TNKS: variants seen among roughly 807,000 people sequenced by gnomAD.
TNKS encodes tankyrase, also known as poly [ADP-ribose] polymerase tankyrase-1.
TNKS carries 72 observed loss-of-function variants against 135.8 expected under a neutral mutation model. That is an observed-to-expected ratio of 0.53 (90% CI 0.44 to 0.64). The LOEUF is 0.64. Ranked by LOEUF, TNKS falls within the 30% of genes least tolerant of loss-of-function variation. The pLI, the probability that TNKS is intolerant of heterozygous loss-of-function variation, is 0.00. For missense variants in TNKS, 1,769 were observed against 1,674.0 expected (o/e 1.06, Z -0.99); for synonymous variants, 849 against 649.3 (o/e 1.31, Z -4.68).
chr8:9,657,260 C>A (rs1427316395), intron 3 of TNKS, among the ~76,000 whole-genome samples: 4 of 115,446 alleles, frequency 3.5e-5, no homozygotes, highest in African/African-American at 9.4e-5. Flanking sequence ...CCGACCCCCC[C>A]ACCTCCCTCC....
rs561234484 is a variant in TNKS at position 9,584,878 on chromosome 8, A to G, written c.898+4495A>G. On this transcript the variant is annotated intron_variant, in intron 2 of 26. Coordinates refer to ENST00000310430, the MANE Select transcript of TNKS (RefSeq NM_003747.3). ...GCTGGCGTCCACAGCAAATCATTCT[A>G]AAGATAACAGAGGTGTATGGTGTTC... Among the ~76,000 whole-genome samples the G allele has an allele frequency of 1.7e-4, 26 of 152,282 alleles. No individual in the cohort carries two copies. The East Asian group carries it at 4.8e-3, about 28-fold the overall frequency.
chr8:9,770,596 G>A (rs1023298626), intron 26 of TNKS, among the ~76,000 whole-genome samples: 33 of 152,208 alleles, frequency 2.2e-4, no homozygotes, highest in Non-Finnish European at 4.4e-5. Flanking sequence ...GCTGCTGTTA[G>A]TGGGTCTTCA....
At chr8:9,562,763 A>C (rs1797386149) in intron 1 of TNKS, among the ~76,000 whole-genome samples, 1 of 151,920 alleles carries the variant, frequency 6.6e-6, no homozygotes, top group Non-Finnish European at 1.5e-5. Context: ...GGACCTGCTA[A>C]GAGCTGTTAA....
rs181356705 is a variant in TNKS, at chr8:9,655,043, C to T, written c.995-24908C>T. 2.9e-3 allele frequency among the ~76,000 whole-genome samples: 444 copies of T among 152,318 alleles called. 1 individual carries two copies. The highest frequency in any genetic ancestry group is 0.01 in the African/African-American group (435 of 41,576). On this transcript the variant is annotated intron_variant, in intron 3 of 26. Coordinates refer to ENST00000310430, the MANE Select transcript of TNKS (RefSeq NM_003747.3). ...GGCACCTGGAAAATCGGGTCACTCC[C>T]ACCCTAAAACTGCACTTTTCCAACG...
intron 11 of TNKS, among the ~76,000 whole-genome samples, chr8:9,717,157 CA>C (rs1267405421): frequency 7.1e-6 from 1 of 140,652 alleles, no homozygotes; most frequent in East Asian, 2.1e-4. Context: ...TTACAGATAG[CA>C]CACTCAAGTT....
At chr8:9,569,786 CT>C (rs1195120822) in intron 1 of TNKS, among the ~76,000 whole-genome samples, 2 of 152,114 alleles carry the variant, frequency 1.3e-5, no homozygotes, top group African/African-American at 4.8e-5. Flanking sequence ...TCTTCGTATT[CT>C]TTTTTTCTTT....
chr8:9,686,012 T>C (rs1478835756), intron 5 of TNKS, among the ~76,000 whole-genome samples: 1 of 152,188 alleles, frequency 6.6e-6, no homozygotes, highest in Non-Finnish European at 1.5e-5. Flanking sequence ...GGTAGGTTGT[T>C]ATTTGGAGAT....
At chr8:9,650,821 T>A (rs188476993) in intron 3 of TNKS, among the ~76,000 whole-genome samples, 35 of 152,348 alleles carry the variant, frequency 2.3e-4, no homozygotes, top group Non-Finnish European at 4.4e-4. Flanking sequence ...TTTAGTTTAA[T>A]TAGGTCTCAT....
chr8:9,698,379 A>AAAC (rs796552076), intron 5 of TNKS, among the ~76,000 whole-genome samples: 2 of 151,014 alleles, frequency 1.3e-5, no homozygotes, highest in African/African-American at 4.9e-5. Flanking sequence ...AAAATGAAAA[A>AAAC]AAAAAAAAAA....
chr8:9,563,483 A>G (rs542271302), intron 1 of TNKS, among the ~76,000 whole-genome samples: 506 of 152,178 alleles, frequency 3.3e-3, no homozygotes, highest in Middle Eastern at 6.8e-3. Context: ...AATGAGTGTG[A>G]TTGTGTTCCA....
At chr8:9,557,032 C>CTTT in intron 1 of TNKS, 1 of 252,458 alleles carries the variant, frequency 4.0e-6, no homozygotes, top group African/African-American at 2.2e-5. Context: ...TAATACAACC[C>CTTT]AACACATGTT....
At chr8:9,656,232 A>G (rs2128784090) in intron 3 of TNKS, among the ~76,000 whole-genome samples, 1 of 152,334 alleles carries the variant, frequency 6.6e-6, no homozygotes, top group Non-Finnish European at 1.5e-5. Context: ...AGAAATATGG[A>G]ACTATGTGAA....
At chr8:9,772,820 T>G (rs1335240070) in intron 26 of TNKS, among the ~76,000 whole-genome samples, 7 of 79,898 alleles carry the variant, frequency 8.8e-5, no homozygotes, top group African/African-American at 4.1e-4. Flanking sequence ...TGTGTGTGTG[T>G]GTGTGTGTGT....
chr8:9,717,775 G>C (rs1469779690), intron 11 of TNKS, among the ~76,000 whole-genome samples: 1 of 152,094 alleles, frequency 6.6e-6, no homozygotes, highest in African/African-American at 2.4e-5. Context: ...TATATGAACT[G>C]GAAAGTAGTA....
chr8:9,624,757 C>G (rs1223383537), intron 3 of TNKS, among the ~76,000 whole-genome samples: 1 of 152,068 alleles, frequency 6.6e-6, no homozygotes, highest in Non-Finnish European at 1.5e-5. Flanking sequence ...TAGGTGTCCT[C>G]AGGGGTACTG....
chr8:9,590,600 C>T (rs1798554826), intron 2 of TNKS, among the ~76,000 whole-genome samples: 1 of 152,200 alleles, frequency 6.6e-6, no homozygotes, highest in Admixed American at 6.5e-5. Flanking sequence ...TCTGTGCTTG[C>T]TCCGAGTAAA....
intron 3 of TNKS, among the ~76,000 whole-genome samples, chr8:9,622,445 G>C: frequency 6.6e-6 from 1 of 152,152 alleles, no homozygotes; most frequent in East Asian, 1.9e-4. Flanking sequence ...CTGTGAAGTA[G>C]ATATTGTTAT....
intron 3 of TNKS, among the ~76,000 whole-genome samples, chr8:9,676,947 A>G (rs1802567060): frequency 6.6e-6 from 1 of 152,108 alleles, no homozygotes; most frequent in African/African-American, 2.4e-5. Context: ...TCTGGATGTT[A>G]TTAAAGAATA....
intron 17 of TNKS, among the ~76,000 whole-genome samples, chr8:9,740,067 A>T (rs1260983679): frequency 1.3e-5 from 2 of 149,270 alleles, no homozygotes; most frequent in African/African-American, 2.4e-5. Flanking sequence ...AAAAAAAAAA[A>T]AAAAAAAAAA....
Sources: gnomAD v4.1 joint callset for allele counts (sites outside exome capture counted in the v4.1 genomes callset) on GRCh38, gnomAD v4.1.1 for gene constraint, MANE v1.5 for transcripts, NCBI Gene and HGNC (gene_info 2026-07-23, HGNC 2026-07-21) for gene names.